Variants in FMN2 observed in about 807,000 individuals in gnomAD.
The protein encoded by FMN2 is formin 2, also known as formin-2.
A neutral mutation model predicts 142.3 loss-of-function variants in FMN2; 51 were observed. The ratio of observed to expected loss-of-function variants is 0.36; its 90% CI spans 0.29 to 0.45. FMN2 has a LOEUF of 0.45. Ranked by LOEUF, FMN2 falls within the 20% of genes least tolerant of loss-of-function variation. FMN2 has a pLI of 1.00. For synonymous variants in FMN2, 882 were observed against 869.8 expected, an observed-to-expected ratio of 1.01 and a Z score of -0.25; for missense variants, 1,936 against 2,122.8, an observed-to-expected ratio of 0.91 and a Z score of 1.73.
chr1:240,337,198 CTTTTCTTTTTTTTT>C, intron 13 of FMN2, among the ~76,000 whole-genome samples: 1 of 122,958 alleles, frequency 8.1e-6, no homozygotes, highest in Admixed American at 7.7e-5. Flanking sequence ...AAAATTATTC[CTTTTCTTTTTTTTT>C]TTTTTTTTTT....
chr1:240,422,346 G>A (rs956140249), intron 15 of FMN2, among the ~76,000 whole-genome samples: 4 of 152,174 alleles, frequency 2.6e-5, no homozygotes, highest in African/African-American at 4.8e-5. Context: ...AAGAACTGAC[G>A]TCTTGACTAC....
At position 240,459,717 on chromosome 1, in the gene FMN2, T is replaced by TTAAAAAAAAAA. The variant is rs1471697427; in HGVS notation, c.5061-12655_5061-12654insTAAAAAAAAAA. On this transcript the variant is annotated intron_variant, in intron 16 of 17. Transcript: ENST00000319653. ...GGGTGACAGAACAAGACTCTGTCTC[T>TTAAAAAAAAAA]AAAAAAAAAAAAAAAAAAAAAAAAA... 6.9e-4 allele frequency among the ~76,000 whole-genome samples: 46 copies of TTAAAAAAAAAA among 67,128 alleles called. 4 individuals are homozygous for TTAAAAAAAAAA. Among genetic ancestry groups the TTAAAAAAAAAA allele is most frequent in the African/African-American group, 2.4e-3 (46 of 19,484 alleles). The allele number at this position is 67,128 out of a possible 152,430, so 44.0% of individuals were successfully genotyped here. A position where few individuals can be genotyped will look rare whatever the true frequency, so the allele number is the denominator to read the frequency against.
chr1:240,449,149 A>C (rs953672542), intron 16 of FMN2, among the ~76,000 whole-genome samples: 5 of 152,130 alleles, frequency 3.3e-5, no homozygotes, highest in Non-Finnish European at 7.4e-5. Context: ...TCTCAAAAAA[A>C]AAAAAAAGTG....
intron 8 of FMN2, among the ~76,000 whole-genome samples, chr1:240,328,875 G>A (rs1423653368): frequency 6.6e-6 from 1 of 152,160 alleles, no homozygotes; most frequent in Non-Finnish European, 1.5e-5. Context: ...ACAGGCATGA[G>A]CCACCACACC....
chr1:240,206,985 G>C lies in FMN2; in HGVS notation c.2173G>C (p.Ala725Pro), dbSNP rs769195022. The C allele has an allele frequency of 6.2e-7, 1 of 1,614,140 alleles. No homozygotes were observed. Among genetic ancestry groups the C allele is most frequent in the Non-Finnish European group, 8.5e-7 (1 of 1,180,014 alleles). Residue 725 changes from alanine to proline, a missense_variant, in exon 5 of 18, where the codon GCT becomes CCT. This residue lies in a region of FMN2 where 478 missense variants were observed against 462.8 expected (regional missense o/e 1.03). Coordinates refer to ENST00000319653, the MANE Select transcript of FMN2 (RefSeq NM_020066.5). ...AGCCTCAGGCGATGTCTGTCTCGAA[G>C]CTCTCAGGTTAGAAGAAAAGGAAGT... is the stretch of plus-strand genomic sequence containing the variant. ...VTASGDVCLE[A>P]LRLEEKEVRH...
At chr1:240,148,379 G>C (rs911170360) in intron 2 of FMN2, among the ~76,000 whole-genome samples, 1 of 139,578 alleles carries the variant, frequency 7.2e-6, no homozygotes, top group Non-Finnish European at 1.5e-5. Context: ...GAGAGAGAGA[G>C]AGAAAGACAG....
intron 15 of FMN2, among the ~76,000 whole-genome samples, chr1:240,407,397 C>G (rs1213893875): frequency 6.6e-6 from 1 of 152,236 alleles, no homozygotes; most frequent in East Asian, 1.9e-4. Flanking sequence ...CCTCGGCCCC[C>G]CAGAGTGCTA....
intron 8 of FMN2, among the ~76,000 whole-genome samples, chr1:240,307,711 T>C (rs1057440635): frequency 6.6e-6 from 1 of 152,232 alleles, no homozygotes; most frequent in African/African-American, 2.4e-5. Context: ...AGGATTGCCT[T>C]GGCTATTGGG....
At chr1:240,138,262 A>G (rs1338763959) in intron 2 of FMN2, among the ~76,000 whole-genome samples, 1 of 151,868 alleles carries the variant, frequency 6.6e-6, no homozygotes, top group African/African-American at 2.4e-5. Context: ...TCTGGGTGTT[A>G]GAGGAGTAGG....
intron 4 of FMN2, among the ~76,000 whole-genome samples, chr1:240,205,389 C>G (rs1325402795): frequency 1.3e-5 from 2 of 151,750 alleles, no homozygotes; most frequent in Admixed American, 1.3e-4. Flanking sequence ...CTATCAATTC[C>G]TTCTTCCTCT....
At chr1:240,422,600 T>C (rs913906799) in intron 15 of FMN2, among the ~76,000 whole-genome samples, 9 of 152,256 alleles carry the variant, frequency 5.9e-5, no homozygotes, top group African/African-American at 2.2e-4. Flanking sequence ...ACTTGTGTCC[T>C]GCAACCTTGC....
intron 16 of FMN2, chr1:240,459,568 T>C (rs557379026): frequency 6.6e-6 from 1 of 151,986 alleles, no homozygotes; most frequent in East Asian, 1.9e-4. Context: ...AATACAAATA[T>C]TAGCTGGGTG....
intron 15 of FMN2, among the ~76,000 whole-genome samples, chr1:240,434,522 G>A (rs1424675781): frequency 9.0e-6 from 1 of 111,268 alleles, no homozygotes; most frequent in Non-Finnish European, 2.3e-5. Context: ...CCTGTTATTT[G>A]CTTGTTTTTT....
rs1272130557 is a variant in FMN2 at position 240,148,287 on chromosome 1, GAC to G, written c.1782+24944_1782+24945del. Reference sequence around the variant, plus strand: ...AGAGACAGAGATAGACAGAGACAGAGACAGACAGAGACAGAGAGAGAGAGACA... The same window carrying G: ...AGAGACAGAGATAGACAGAGACAGAGAGACAGAGACAGAGAGAGAGAGACA... On this transcript the variant is annotated intron_variant, in intron 2 of 17. Coordinates refer to ENST00000319653, the MANE Select transcript of FMN2 (RefSeq NM_020066.5). Among the ~76,000 whole-genome samples the G allele has an allele frequency of 6.0e-3, 268 of 45,030 alleles. 1 individual carries two copies. The highest frequency in any genetic ancestry group is 0.018 in the Middle Eastern group (1 of 56). The allele number at this position is 45,030 out of a possible 152,430, so 29.5% of individuals were successfully genotyped here.
intron 14 of FMN2, among the ~76,000 whole-genome samples, chr1:240,380,858 A>G (rs1403419240): frequency 6.6e-6 from 1 of 152,118 alleles, no homozygotes; most frequent in South Asian, 2.1e-4. Context: ...TTAACCAAGG[A>G]AAAAAAGATT....
rs775204352 is a variant in FMN2 at position 240,208,657 on chromosome 1, G to A, written c.3845G>A (p.Ser1282Asn). The A allele has an allele frequency of 1.9e-6, 3 of 1,613,930 alleles. No homozygotes were observed. Among genetic ancestry groups the A allele is most frequent in the Non-Finnish European group, 1.7e-6 (2 of 1,180,024 alleles). Residue 1282 changes from serine to asparagine, a missense_variant, in exon 5 of 18, where the codon AGT becomes AAT. Ser to Asn is a conservative substitution (Grantham distance 46, BLOSUM62 1). Transcript: ENST00000319653. Reference sequence around the variant, plus strand: ...TTAGGGATGAATCAGGACAAAGGGAGTAGGAAGCAGCCCATAGAGCCTTGT... The same window carrying A: ...TTAGGGATGAATCAGGACAAAGGGAATAGGAAGCAGCCCATAGAGCCTTGT... Reference protein sequence around the residue: ...FGLGMNQDKGSRKQPIEPCRP... With the variant: ...FGLGMNQDKGNRKQPIEPCRP...
chr1:240,106,663 T>C (rs1661620319), intron 1 of FMN2, among the ~76,000 whole-genome samples: 1 of 151,894 alleles, frequency 6.6e-6, no homozygotes, highest in Non-Finnish European at 1.5e-5. Flanking sequence ...TAAATACTCA[T>C]CCCCTCCTTT....
At chr1:240,220,910 C>G (rs1289163715) in intron 6 of FMN2, among the ~76,000 whole-genome samples, 1 of 151,920 alleles carries the variant, frequency 6.6e-6, no homozygotes, top group Admixed American at 6.6e-5. Context: ...ATGTTCTGCT[C>G]CATGTGTCCA....
intron 10 of FMN2, among the ~76,000 whole-genome samples, chr1:240,330,385 C>G (rs1420730198): frequency 6.6e-6 from 1 of 152,106 alleles, no homozygotes; most frequent in Non-Finnish European, 1.5e-5. Flanking sequence ...CATAGCATCC[C>G]CCAGCTTACA....
Sources: gnomAD v4.1 joint callset for allele counts (sites outside exome capture counted in the v4.1 genomes callset) on GRCh38, gnomAD v4.1.1 for gene constraint, gnomAD v4.1.1 regional missense constraint, MANE v1.5 for transcripts, NCBI Gene and HGNC (gene_info 2026-07-23, HGNC 2026-07-21) for gene names.